The following IL1RAP variants were observed in gnomAD, a reference collection of about 807,000 sequenced individuals.
IL1RAP encodes interleukin 1 receptor accessory protein, also known as interleukin-1 receptor accessory protein.
A neutral mutation model predicts 60.7 loss-of-function variants in IL1RAP; 35 were observed. That is an observed-to-expected ratio of 0.58 (90% CI 0.44 to 0.76). IL1RAP has a LOEUF of 0.76. IL1RAP is among the 30% of genes least tolerant of loss of function. The probability of loss-of-function intolerance (pLI) is 0.00; values close to 1 mark genes in which losing one functional copy is unlikely to be tolerated. For synonymous variants in IL1RAP, 268 were observed against 250.9 expected, an observed-to-expected ratio of 1.07 and a Z score of -0.64; for missense variants, 572 against 693.9, an observed-to-expected ratio of 0.82 and a Z score of 1.97.
At chr3:190,582,413 G>A (rs1326825382) in intron 3 of IL1RAP, among the ~76,000 whole-genome samples, 2 of 151,044 alleles carry the variant, frequency 1.3e-5, no homozygotes, top group Admixed American at 6.6e-5. Context: ...TCCACCTCCC[G>A]GGATCAAGTA....
At chr3:190,611,838 A>C (rs538188652) in intron 5 of IL1RAP, among the ~76,000 whole-genome samples, 20 of 152,308 alleles carry the variant, frequency 1.3e-4, no homozygotes, top group African/African-American at 4.8e-4. Flanking sequence ...GAAAGGTAGA[A>C]AAGGAGTGAG....
chr3:190,514,462 G>T (rs1006487055), intron 1 of IL1RAP, among the ~76,000 whole-genome samples: 1 of 152,180 alleles, frequency 6.6e-6, no homozygotes, highest in African/African-American at 2.4e-5. Context: ...GTTGTGGGAC[G>T]TCTGCTCGTT....
At chr3:190,592,259 C>T (rs1298654465) in intron 3 of IL1RAP, among the ~76,000 whole-genome samples, 1 of 152,226 alleles carries the variant, frequency 6.6e-6, no homozygotes, top group Non-Finnish European at 1.5e-5. Flanking sequence ...CTCAGGTGAT[C>T]TGTCCTGCCT....
chr3:190,630,900 G>A (rs1461978956), intron 9 of IL1RAP, among the ~76,000 whole-genome samples: 1 of 152,124 alleles, frequency 6.6e-6, no homozygotes, highest in Non-Finnish European at 1.5e-5. Flanking sequence ...ACCTTATAAG[G>A]TTGTTTTAAA....
chr3:190,589,660 C>T (rs777521026), intron 3 of IL1RAP, among the ~76,000 whole-genome samples: 10 of 152,076 alleles, frequency 6.6e-5, no homozygotes, highest in Non-Finnish European at 1.5e-4. Flanking sequence ...TGTAATTTTG[C>T]GTGGAATATT....
At chr3:190,515,929 C>T (rs1721471808) in intron 1 of IL1RAP, among the ~76,000 whole-genome samples, 2 of 152,154 alleles carry the variant, frequency 1.3e-5, no homozygotes, top group South Asian at 4.1e-4. Context: ...AACACACAGA[C>T]ATTCACATGC....
intron 9 of IL1RAP, among the ~76,000 whole-genome samples, chr3:190,640,712 C>A (rs1360857933): frequency 6.6e-6 from 1 of 152,114 alleles, no homozygotes; most frequent in Non-Finnish European, 1.5e-5. Flanking sequence ...GATTGTAGAG[C>A]AAGAACTCAA....
At chr3:190,550,640 G>T (rs1406159177) in intron 1 of IL1RAP, 1 of 152,186 alleles carries the variant, frequency 6.6e-6, no homozygotes, top group Non-Finnish European at 1.5e-5. Context: ...GGCAGAATTT[G>T]CACGATAATT....
Position 190,656,611 on chromosome 3 carries a change from C to CTGTG in IL1RAP, c.*9_*12dup, listed in dbSNP as rs765797667. ...CAACGACTTTTATATCCTATAATTACTGTGTGTGGTGGGTGGTGGCTACTA... is the reference window on the plus strand; with the variant it reads ...CAACGACTTTTATATCCTATAATTACTGTGTGTGTGTGGTGGGTGGTGGCTACTA... On this transcript the variant is annotated 3_prime_UTR_variant, in exon 12 of 12. Coordinates refer to the IL1RAP transcript ENST00000317757. 137 of 1,480,796 alleles carry CTGTG rather than the reference C, an allele frequency of 9.3e-5. No homozygotes were observed. In the African/African-American group the frequency reaches 1.8e-3, roughly 19 times the overall value. The allele number at this position is 1,480,796 out of a possible 1,614,324, so 91.7% of individuals were successfully genotyped here. A position where few individuals can be genotyped will look rare whatever the true frequency, so the allele number is the denominator to read the frequency against.
At chr3:190,539,027 G>A (rs1271708787) in intron 1 of IL1RAP, among the ~76,000 whole-genome samples, 1 of 152,072 alleles carries the variant, frequency 6.6e-6, no homozygotes, top group African/African-American at 2.4e-5. Context: ...GTCTTTGTTA[G>A]CAGTGTAAGA....
intron 5 of IL1RAP, among the ~76,000 whole-genome samples, chr3:190,615,977 A>T (rs1731236227): frequency 6.6e-6 from 1 of 152,140 alleles, no homozygotes; most frequent in Non-Finnish European, 1.5e-5. Context: ...CTATATAGTG[A>T]TTGGATTTTC....
intron 3 of IL1RAP, among the ~76,000 whole-genome samples, chr3:190,579,081 T>C (rs1369051972): frequency 1.3e-5 from 2 of 152,206 alleles, no homozygotes; most frequent in African/African-American, 2.4e-5. Context: ...ACATATCTCT[T>C]TGTTACAGGC....
chr3:190,568,916 G>A lies in IL1RAP; in HGVS notation c.64+4563G>A, dbSNP rs568326195. Among the ~76,000 whole-genome samples, 10 of 152,302 alleles carry A rather than the reference G, an allele frequency of 6.6e-5. No individual in the cohort carries two copies. The South Asian group carries it at 2.1e-3, about 32-fold the overall frequency. ...TAAGAGGAATTTCTTATTTTAAGAGGAATACAGTAAAGTTTGAGAGAAGGA... is the reference window on the plus strand; with the variant it reads ...TAAGAGGAATTTCTTATTTTAAGAGAAATACAGTAAAGTTTGAGAGAAGGA... On this transcript the variant is annotated intron_variant, in intron 3 of 11. Transcript: ENST00000447382.
At chr3:190,653,103 C>T (rs560875196), downstream of IL1RAP, among the ~76,000 whole-genome samples, 9 of 152,282 alleles carry the variant, frequency 5.9e-5, no homozygotes, top group Non-Finnish European at 8.8e-5. Context: ...TTTTAATCTA[C>T]ATCTATTTAA....
At chr3:190,549,822 A>G (rs1188278559) in intron 1 of IL1RAP, among the ~76,000 whole-genome samples, 3 of 152,200 alleles carry the variant, frequency 2.0e-5, no homozygotes, top group Non-Finnish European at 2.9e-5. Context: ...CTATCAGTGA[A>G]GAGAGGGCAG....
At chr3:190,519,170 C>T (rs56142117) in intron 1 of IL1RAP, 7 of 152,252 alleles carry the variant, frequency 4.6e-5, no homozygotes, top group East Asian at 3.9e-4. Flanking sequence ...TCTGCTATAA[C>T]GCATTGTGTA....
intron 3 of IL1RAP, among the ~76,000 whole-genome samples, chr3:190,566,372 T>C (rs1423083506): frequency 1.3e-5 from 2 of 152,138 alleles, no homozygotes; most frequent in Non-Finnish European, 2.9e-5. Flanking sequence ...CAGGTGACTG[T>C]GTTACCATTG....
intron 9 of IL1RAP, among the ~76,000 whole-genome samples, chr3:190,639,806 A>T (rs1403763413): frequency 3.3e-5 from 5 of 152,220 alleles, no homozygotes; most frequent in Non-Finnish European, 5.9e-5. Context: ...TTGTTAAAGC[A>T]GGTCTAAAAT....
In IL1RAP at chr3:190,651,260, A is replaced by G; in HGVS notation, c.*2555A>G. 1.0e-6 allele frequency: 1 copy of G among 967,812 alleles called. No homozygotes were observed. Among genetic ancestry groups the G allele is most frequent in the Non-Finnish European group, 1.2e-6 (1 of 813,916 alleles). 60.0% of individuals were successfully genotyped at this position (967,812 alleles called of 1,614,324 possible). A position where few individuals can be genotyped will look rare whatever the true frequency, so the allele number is the denominator to read the frequency against. On this transcript the variant is annotated 3_prime_UTR_variant, in exon 12 of 12. Transcript: ENST00000447382. ...ACTGTGATATATAGAGTGTCTAATT[A>G]CAAAATCATATACGATTTATTTAAT...
Sources: gnomAD v4.1 joint callset for allele counts (sites outside exome capture counted in the v4.1 genomes callset) on GRCh38, gnomAD v4.1.1 for gene constraint, MANE v1.5 for transcripts, NCBI Gene and HGNC (gene_info 2026-07-23, HGNC 2026-07-21) for gene names.